HCN4: variants seen among roughly 807,000 people sequenced by gnomAD.
HCN4 encodes the protein hyperpolarization activated cyclic nucleotide gated potassium channel 4, also known as potassium/sodium hyperpolarization-activated cyclic nucleotide-gated channel 4.
HCN4 carries 29 observed loss-of-function variants against 76.9 expected under a neutral mutation model. That is an observed-to-expected ratio of 0.38 (90% confidence interval 0.28 to 0.51). The LOEUF is 0.51. Ranked by LOEUF, HCN4 falls within the 20% of genes least tolerant of loss-of-function variation. The pLI, the probability that HCN4 is intolerant of heterozygous loss-of-function variation, is 0.90. For missense variants in HCN4, 1,416 were observed against 1,715.2 expected, an observed-to-expected ratio of 0.83 and a Z score of 3.08; for synonymous variants, 772 against 762.5, an observed-to-expected ratio of 1.01 and a Z score of -0.21.
intron 2 of HCN4, among the ~76,000 whole-genome samples, chr15:73,332,861 T>C (rs1161410244): frequency 6.6e-6 from 1 of 152,178 alleles, no homozygotes; most frequent in Non-Finnish European, 1.5e-5. Flanking sequence ...CTGTGTAACC[T>C]TGAACCTCTC....
At chr15:73,345,025 C>T (rs888822854) in intron 1 of HCN4, among the ~76,000 whole-genome samples, 2 of 152,186 alleles carry the variant, frequency 1.3e-5, no homozygotes, top group African/African-American at 2.4e-5. Context: ...GGAGAAATAA[C>T]CTTTCCACCA....
chr15:73,344,001 T>C (rs972824313), intron 1 of HCN4, among the ~76,000 whole-genome samples, 193 bp from the exon 2 acceptor site: 1 of 152,156 alleles, frequency 6.6e-6, no homozygotes. Context: ...AGGCTCTTCA[T>C]TCACTAAGGA....
chr15:73,337,265 T>C (rs1436264901), intron 2 of HCN4, among the ~76,000 whole-genome samples: 1 of 152,238 alleles, frequency 6.6e-6, no homozygotes, highest in East Asian at 1.9e-4. Flanking sequence ...TTCACTGACT[T>C]GCGTGCTGCT....
chr15:73,340,842 C>T (rs1197177664), intron 2 of HCN4, among the ~76,000 whole-genome samples: 5 of 152,238 alleles, frequency 3.3e-5, no homozygotes, highest in South Asian at 2.1e-4. Context: ...AGGAAACAAT[C>T]GTAGAATCAA....
intron 2 of HCN4, among the ~76,000 whole-genome samples, chr15:73,334,678 C>A (rs1567778889): frequency 6.6e-6 from 1 of 151,986 alleles, no homozygotes; most frequent in Non-Finnish European, 1.5e-5. Context: ...TGCCTCCCCA[C>A]CACCACAACT....
At chr15:73,348,584 T>C (rs907003247) in intron 1 of HCN4, among the ~76,000 whole-genome samples, 1 of 152,232 alleles carries the variant, frequency 6.6e-6, no homozygotes, top group African/African-American at 2.4e-5. Flanking sequence ...TGTCATTGTT[T>C]TGTCATTAAA....
At chr15:73,361,650 G>C (rs2043105585) in intron 1 of HCN4, among the ~76,000 whole-genome samples, 1 of 152,190 alleles carries the variant, frequency 6.6e-6, no homozygotes, top group South Asian at 2.1e-4. Flanking sequence ...CCTCCATGGT[G>C]GTCAGTGTTG....
chr15:73,340,377 C>T (rs2042993737), intron 2 of HCN4, among the ~76,000 whole-genome samples: 1 of 152,168 alleles, frequency 6.6e-6, no homozygotes, highest in Admixed American at 6.5e-5. Flanking sequence ...AAAGAGCTGG[C>T]GTGTCTCTGC....
In HCN4 at chr15:73,328,039, A is replaced by C. The variant is rs900966340; in HGVS notation, c.1590+1534T>G. Among the ~76,000 whole-genome samples, 3 of 152,160 alleles carry C rather than the reference A, an allele frequency of 2.0e-5. No individual in the cohort carries two copies. Among genetic ancestry groups the C allele is most frequent in the African/African-American group, 7.2e-5 (3 of 41,454 alleles). Reference sequence around the variant, plus strand: ...AAACGACATACTGGGTCCTCCCCTCATGGAGCCGTGGCCTGGAGAGGGAAG... The same window carrying C: ...AAACGACATACTGGGTCCTCCCCTCCTGGAGCCGTGGCCTGGAGAGGGAAG... On this transcript the variant is annotated intron_variant, in intron 4 of 7. Coordinates refer to ENST00000261917, the MANE Select transcript of HCN4 (RefSeq NM_005477.3). The surrounding 1 kb of genome is among the most constrained non-coding windows in gnomAD (Gnocchi z 4.0).
At chr15:73,336,392 CCT>C (rs1284127539) in intron 2 of HCN4, among the ~76,000 whole-genome samples, 1 of 152,172 alleles carries the variant, frequency 6.6e-6, no homozygotes, top group Non-Finnish European at 1.5e-5. Flanking sequence ...CGGCAATGCT[CCT>C]CCTCTGATGA....
intron 1 of HCN4, among the ~76,000 whole-genome samples, chr15:73,348,151 G>T (rs1264822447): frequency 1.3e-5 from 2 of 152,242 alleles, no homozygotes; most frequent in Non-Finnish European, 2.9e-5. Flanking sequence ...GGGAGCTGAG[G>T]AAGACATGAC....
intron 1 of HCN4, among the ~76,000 whole-genome samples, chr15:73,357,965 T>G (rs2043088665): frequency 6.6e-6 from 1 of 152,226 alleles, no homozygotes; most frequent in South Asian, 2.1e-4. Context: ...TGGCTCTATT[T>G]GTGCTAATGG....
At chr15:73,364,152 G>A (rs1327491582) in intron 1 of HCN4, among the ~76,000 whole-genome samples, 1 of 152,138 alleles carries the variant, frequency 6.6e-6, no homozygotes, top group Non-Finnish European at 1.5e-5. Flanking sequence ...TAGGGACAGG[G>A]GGATGAGAAA....
intron 1 of HCN4, among the ~76,000 whole-genome samples, chr15:73,366,012 G>A (rs2043126683): frequency 6.6e-6 from 1 of 152,194 alleles, no homozygotes; most frequent in African/African-American, 2.4e-5. Context: ...CACTCTTCAG[G>A]AACCTGGCAC....
intron 2 of HCN4, among the ~76,000 whole-genome samples, chr15:73,332,753 C>A (rs1052381098): frequency 5.3e-5 from 8 of 152,198 alleles, no homozygotes; most frequent in African/African-American, 1.9e-4. Context: ...AAGACTCACA[C>A]ACGGTAGCCA....
chr15:73,352,301 A>G (rs1471745071), intron 1 of HCN4, among the ~76,000 whole-genome samples: 1 of 152,224 alleles, frequency 6.6e-6, no homozygotes, highest in Non-Finnish European at 1.5e-5. Flanking sequence ...CAGAAGCCAC[A>G]TGATGCGGGC....
At position 73,324,084 on chromosome 15, in the gene HCN4, C is replaced by A. The variant is rs547362030; in HGVS notation, c.2143+5G>T. 132 of 1,612,880 alleles carry A rather than the reference C, an allele frequency of 8.2e-5. No individual in the cohort carries two copies. In the South Asian group the frequency reaches 1.3e-3, roughly 16 times the overall value. ...CCTGCCCCGCCTGTGGCCCCTCCCCCTCACCAATGCGGTCCAGGCGGTCCA... is the reference window on the plus strand; with the variant it reads ...CCTGCCCCGCCTGTGGCCCCTCCCCATCACCAATGCGGTCCAGGCGGTCCA... On this transcript the variant is annotated splice_donor_5th_base_variant and intron_variant, in intron 7 of 7. Transcript: ENST00000261917.
chr15:73,324,405 C>T, intron 6 of HCN4, 152 bp from the exon 7 acceptor site: 1 of 771,576 alleles, frequency 1.3e-6, no homozygotes, highest in South Asian at 1.6e-5. Flanking sequence ...CTGGATGCCT[C>T]TTCCCCACCA....
intron 1 of HCN4, among the ~76,000 whole-genome samples, chr15:73,364,279 C>T (rs2043118957): frequency 6.6e-6 from 1 of 152,176 alleles, no homozygotes; most frequent in Non-Finnish European, 1.5e-5. Context: ...CATCCACCCA[C>T]ACAGCCCCCA....
Sources: gnomAD v4.1 joint callset for allele counts (sites outside exome capture counted in the v4.1 genomes callset) on GRCh38, gnomAD v4.1.1 for gene constraint, Gnocchi (gnomAD v3.1) non-coding constraint, MANE v1.5 for transcripts, NCBI Gene and HGNC (gene_info 2026-07-23, HGNC 2026-07-21) for gene names.